CLCN3: variants seen among roughly 807,000 people sequenced by gnomAD.
The protein encoded by CLCN3 is Cl-/H+ antiporter 3, also known as H(+)/Cl(-) exchange transporter 3.
In CLCN3, 16 loss-of-function variants were observed where a neutral mutation model predicts 83.4. The ratio of observed to expected loss-of-function variants is 0.19; its 90% CI spans 0.13 to 0.29. The LOEUF (loss-of-function observed/expected upper bound fraction) is 0.29. Ranked by LOEUF, CLCN3 falls within the 10% of genes least tolerant of loss-of-function variation. The pLI is 1.00. For missense variants in CLCN3, 544 were observed against 1,006.0 expected (o/e 0.54, Z 6.21); for synonymous variants, 322 against 346.2 (o/e 0.93, Z 0.78).
Position 169,706,896 on chromosome 4 carries a change from G to A in CLCN3, c.1779G>A (p.Leu593=), listed in dbSNP as rs144967578. Residue 593 remains leucine (L), a synonymous_variant, in exon 11 of 13, where the codon CTG becomes CTA. Transcript: ENST00000513761. ...GTGTGACAAGAATGACTGTCTCCCT[G>A]GTGGTTATTGTTTTTGAGCTTACTG... The part of the protein sequence containing the change: ...LGGVTRMTVS[L]VVIVFELTGG... 276 of 1,613,524 alleles carry A rather than the reference G, an allele frequency of 1.7e-4. No individual in the cohort carries two copies. The highest frequency in any genetic ancestry group is 2.2e-4 in the Non-Finnish European group (264 of 1,179,632).
intron 2 of CLCN3, among the ~76,000 whole-genome samples, chr4:169,637,001 A>G (rs1409468569): frequency 6.6e-6 from 1 of 152,124 alleles, no homozygotes; most frequent in Non-Finnish European, 1.5e-5. Flanking sequence ...ATGTGTGAGA[A>G]TACTAGTTAC....
At chr4:169,649,309 G>A (rs1227812340) in intron 2 of CLCN3, among the ~76,000 whole-genome samples, 1 of 152,190 alleles carries the variant, frequency 6.6e-6, no homozygotes. Context: ...TACATGTAAA[G>A]TTTTTGGTAC....
intron 2 of CLCN3, among the ~76,000 whole-genome samples, chr4:169,668,043 A>ATTTG (rs1560845763): frequency 2.4e-5 from 2 of 82,342 alleles, no homozygotes; most frequent in Non-Finnish European, 2.4e-5. Context: ...CCGGCCAGAC[A>ATTTG]TTTTTTTTTT....
At chr4:169,671,441 C>A (rs1342163478) in intron 2 of CLCN3, among the ~76,000 whole-genome samples, 1 of 151,936 alleles carries the variant, frequency 6.6e-6, no homozygotes, top group Non-Finnish European at 1.5e-5. Context: ...ACACCGAGGC[C>A]TGTTGGAGGG....
chr4:169,636,080 C>G lies in CLCN3; in HGVS notation c.152C>G (p.Thr51Ser). 1 of 1,611,594 alleles carries G rather than the reference C, an allele frequency of 6.2e-7. No homozygotes were observed. Among genetic ancestry groups the G allele is most frequent in the East Asian group, 2.2e-5 (1 of 44,770 alleles). ...SEDDNLLDGD[T>S]AVGTHYTMTN... Reference sequence around the variant, plus strand: ...GATGACAATTTATTAGATGGTGACACTGCAGTTGGTAAGTTCAGCATGACA... The same window carrying G: ...GATGACAATTTATTAGATGGTGACAGTGCAGTTGGTAAGTTCAGCATGACA... The change falls in exon 2 of 13, where the codon ACT (threonine) becomes AGT (serine). Residue 51 changes from threonine (T) to serine (S), a missense_variant. By Grantham distance (58) the Thr-to-Ser change is moderately conservative (BLOSUM62 1). Transcript: ENST00000513761.
intron 12 of CLCN3, among the ~76,000 whole-genome samples, chr4:169,719,178 GA>G: frequency 6.6e-6 from 1 of 152,310 alleles, no homozygotes; most frequent in African/African-American, 2.4e-5. Flanking sequence ...TTAAAAAAGG[GA>G]AAGTGGCTGG....
At chr4:169,696,948 G>T (rs546149718) in intron 8 of CLCN3, among the ~76,000 whole-genome samples, 1 of 151,464 alleles carries the variant, frequency 6.6e-6, no homozygotes, top group Non-Finnish European at 1.5e-5. Context: ...ACAGCACTAG[G>T]TATTCTATTA....
In CLCN3 at chr4:169,723,085, C is replaced by G. The variant is rs1454850605; in HGVS notation, c.*3088C>G. 9 of 152,192 alleles carry G rather than the reference C, an allele frequency of 5.9e-5. No individual in the cohort carries two copies. Among genetic ancestry groups the G allele is most frequent in the Middle Eastern group, 3.2e-3 (1 of 316 alleles). The allele number at this position is 152,192 out of a possible 1,614,324, so 9.4% of individuals were successfully genotyped here. ...TAATGTTGCCTAGAGCTGTATTTATCTGTTTTTATTTATACTAGTGTAGTA... is the reference window on the plus strand; with the variant it reads ...TAATGTTGCCTAGAGCTGTATTTATGTGTTTTTATTTATACTAGTGTAGTA... On this transcript the variant is annotated 3_prime_UTR_variant, in exon 13 of 13. Coordinates refer to ENST00000513761, the MANE Select transcript of CLCN3 (RefSeq NM_001829.4).
intron 2 of CLCN3, among the ~76,000 whole-genome samples, chr4:169,651,904 A>C (rs1730742093): frequency 6.6e-6 from 1 of 152,162 alleles, no homozygotes; most frequent in Non-Finnish European, 1.5e-5. Context: ...GATGCTTATG[A>C]AATTTGTTAC....
chr4:169,664,043 C>G (rs1731160263), intron 2 of CLCN3, among the ~76,000 whole-genome samples: 1 of 152,134 alleles, frequency 6.6e-6, no homozygotes, highest in South Asian at 2.1e-4. Flanking sequence ...TAGGGCATTC[C>G]TGGTGGATAT....
At chr4:169,677,710 A>G (rs1276577617) in intron 2 of CLCN3, among the ~76,000 whole-genome samples, 1 of 152,166 alleles carries the variant, frequency 6.6e-6, no homozygotes, top group Non-Finnish European at 1.5e-5. Context: ...GGATTATTCC[A>G]TTTCATACTT....
At position 169,651,667 on chromosome 4, in the gene CLCN3, G is replaced by A. The variant is rs183686824; in HGVS notation, c.160+15579G>A. Among the ~76,000 whole-genome samples, 110 of 152,250 alleles carry A rather than the reference G, an allele frequency of 7.2e-4. 1 individual carries two copies. Among genetic ancestry groups the A allele is most frequent in the African/African-American group, 2.6e-3 (106 of 41,566 alleles). On this transcript the variant is annotated intron_variant, in intron 2 of 12. Coordinates refer to ENST00000513761, the MANE Select transcript of CLCN3 (RefSeq NM_001829.4). ...CAGGGAATCATGACAAGAAGAAGAA[G>A]CCTGTTCATGTTCAGTACAGAACAA... is the stretch of plus-strand genomic sequence containing the variant.
chr4:169,710,396 GC>G (rs370368098), intron 11 of CLCN3, among the ~76,000 whole-genome samples: 4 of 152,118 alleles, frequency 2.6e-5, no homozygotes, highest in African/African-American at 9.7e-5. Flanking sequence ...CTCCTAATTA[GC>G]TAGGACTACA....
At chr4:169,659,272 G>A (rs142533230) in intron 2 of CLCN3, among the ~76,000 whole-genome samples, 1 of 152,232 alleles carries the variant, frequency 6.6e-6, no homozygotes, top group East Asian at 1.9e-4. Context: ...AATAAGCATT[G>A]TGCGGTTTTT....
At chr4:169,704,812 ATAATAT>A (rs1732928076) in intron 10 of CLCN3, among the ~76,000 whole-genome samples, 2 of 152,368 alleles carry the variant, frequency 1.3e-5, no homozygotes, top group Admixed American at 6.5e-5. Flanking sequence ...CACTCTGGTG[ATAATAT>A]TAATGGTTGC....
chr4:169,639,707 A>G (rs11944742), intron 2 of CLCN3, among the ~76,000 whole-genome samples: 17,918 of 152,206 alleles, frequency 0.12, 1,149 homozygotes, highest in East Asian at 0.17. Flanking sequence ...GTTAAGGCAG[A>G]TTTCAGAGGA....
At position 169,707,270 on chromosome 4, in the gene CLCN3, C is replaced by A. The variant is rs1733030269; in HGVS notation, c.2149+4C>A. The A allele has an allele frequency of 6.3e-7, 1 of 1,576,460 alleles. No individual in the cohort carries two copies. The highest frequency in any genetic ancestry group is 8.6e-7 in the Non-Finnish European group (1 of 1,163,460). ...AGAGACCTGACAATTGCAATAGGTACCCTTTCAAAAATATATATATGTATA... is the reference window on the plus strand; with the variant it reads ...AGAGACCTGACAATTGCAATAGGTAACCTTTCAAAAATATATATATGTATA... On this transcript the variant is annotated splice_donor_region_variant and intron_variant, in intron 11 of 12. Transcript: ENST00000513761.
intron 5 of CLCN3, 32 bp from the exon 6 acceptor site, chr4:169,690,498 A>T (rs1211666166): frequency 6.3e-7 from 1 of 1,595,406 alleles, no homozygotes; most frequent in Admixed American, 1.8e-5. Context: ...AATGTAAATT[A>T]AATTCATACT....
chr4:169,658,102 T>G (rs954779733), intron 2 of CLCN3, among the ~76,000 whole-genome samples: 7 of 152,156 alleles, frequency 4.6e-5, no homozygotes, highest in Non-Finnish European at 8.8e-5. Flanking sequence ...GTAATATATT[T>G]GTTTAAACAG....
Sources: gnomAD v4.1 joint callset for allele counts (sites outside exome capture counted in the v4.1 genomes callset) on GRCh38, gnomAD v4.1.1 for gene constraint, MANE v1.5 for transcripts, NCBI Gene and HGNC (gene_info 2026-07-23, HGNC 2026-07-21) for gene names.